ATF6B: variants seen among roughly 807,000 people sequenced by gnomAD.
ATF6B encodes the protein activating transcription factor 6 beta, also known as cyclic AMP-dependent transcription factor ATF-6 beta.
In ATF6B, 50 loss-of-function variants were observed where a neutral mutation model predicts 83.5. That is an observed-to-expected ratio of 0.60 (90% CI 0.48 to 0.76). ATF6B has a LOEUF of 0.76. Ranked by LOEUF, ATF6B falls within the 30% of genes least tolerant of loss-of-function variation. The pLI, the probability that ATF6B is intolerant of heterozygous loss-of-function variation, is 0.00. For missense variants in ATF6B, 790 were observed against 893.8 expected (o/e 0.88, Z 1.48); for synonymous variants, 344 against 362.8 (o/e 0.95, Z 0.59).
At chr6:32,120,044 C>G in intron 8 of ATF6B, 87 bp from the exon 9 acceptor site, 1 of 1,487,704 alleles carries the variant, frequency 6.7e-7, no homozygotes, top group Non-Finnish European at 9.0e-7. Context: ...AAGGATTGGG[C>G]AGCCTCAATG....
chr6:32,116,240 C>T lies in ATF6B; in HGVS notation c.1882+240G>A, dbSNP rs1209242917. On this transcript the variant is annotated intron_variant, in intron 17 of 17. Coordinates refer to ENST00000375203, the MANE Select transcript of ATF6B (RefSeq NM_004381.5). This position sits in a 1 kb window ranked among gnomAD's most constrained non-coding sequence, Gnocchi z 5.1. ...AAAGTAAGTGAGAGTCTAGCAGGTT[C>T]CCGGCCCCCCGCCTCTGCCCAGTCA... Among the ~76,000 whole-genome samples, 2 of 152,134 alleles carry T rather than the reference C, an allele frequency of 1.3e-5. No homozygotes were observed. The highest frequency in any genetic ancestry group is 2.9e-5 in the Non-Finnish European group (2 of 68,024).
chr6:32,126,316 CAGTA>C, intron 4 of ATF6B, 64 bp from the exon 5 acceptor site: 2 of 1,573,354 alleles, frequency 1.3e-6, no homozygotes, highest in Non-Finnish European at 1.7e-6. Context: ...GAGATGTTGA[CAGTA>C]AGAGCGAGAA....
At chr6:32,127,636 C>A (rs1328753334) in intron 2 of ATF6B, 35 bp downstream of exon 2, 9 of 1,613,710 alleles carry the variant, frequency 5.6e-6, no homozygotes, top group Non-Finnish European at 5.9e-6. Context: ...ACTTTCCACC[C>A]ACCAAGGGTT....
chr6:32,127,212 A>T lies in ATF6B; in HGVS notation c.251-18T>A. 1 of 1,589,136 alleles carries T rather than the reference A, an allele frequency of 6.3e-7. No homozygotes were observed. The stretch of plus-strand genomic sequence containing the variant: ...CTGAAGATCTGGAGGAAAGGGAGTT[A>T]GAAATTATCAGGAAGCAGAGCTTAA... On this transcript the variant is annotated intron_variant, in intron 3 of 17. Coordinates refer to ENST00000375203, the MANE Select transcript of ATF6B (RefSeq NM_004381.5).
chr6:32,115,799 G>A lies in ATF6B; in HGVS notation c.2052C>T (p.Val684=), dbSNP rs751031986. The change falls in exon 18 of 18, where the codon GTC becomes GTT. Residue 684 remains valine (V), a synonymous_variant. Transcript: ENST00000375203. The part of the protein sequence containing the change: ...PGNATGGPLP[V]SAASQAHQAS... The stretch of plus-strand genomic sequence containing the variant: ...CCTGGTGGGCCTGGCTGGCTGCAGA[G>A]ACTGGCAAGGGGCCACCTGTGGCAT... The A allele has an allele frequency of 6.2e-7, 1 of 1,613,684 alleles. No individual in the cohort carries two copies. Among genetic ancestry groups the A allele is most frequent in the South Asian group, 1.1e-5 (1 of 91,034 alleles).
In ATF6B at chr6:32,116,030, A is replaced by G; in HGVS notation, c.1883-62T>C. 3 of 1,327,750 alleles carry G rather than the reference A, an allele frequency of 2.3e-6. No homozygotes were observed. The highest frequency in any genetic ancestry group is 3.8e-5 in the Admixed American group (2 of 52,040). The allele number at this position is 1,327,750 out of a possible 1,614,324, so 82.2% of individuals were successfully genotyped here. On this transcript the variant is annotated intron_variant, in intron 17 of 17. Transcript: ENST00000375203. The surrounding 1 kb of genome is among the most constrained non-coding windows in gnomAD (Gnocchi z 5.1). ...GAGGCAAACAGGGATTGCAGGGAGGAGGGGAGGAGGTCAGAAAAGTAGAGG... is the reference window on the plus strand; with the variant it reads ...GAGGCAAACAGGGATTGCAGGGAGGGGGGGAGGAGGTCAGAAAAGTAGAGG...
At position 32,117,932 on chromosome 6, in the gene ATF6B, C is replaced by T. The variant is rs1185572692; in HGVS notation, c.1351G>A (p.Val451Ile). ...GFSEQEPVQGVEPLQGSSQGP... is the reference protein window; with the variant it reads ...GFSEQEPVQGIEPLQGSSQGP... Reference sequence around the variant, plus strand: ...TGGGAGGACCCCTGGAGAGGTTCAACTCCCTGAACTGGCTCTTGCTCTGAG... The same window carrying T: ...TGGGAGGACCCCTGGAGAGGTTCAATTCCCTGAACTGGCTCTTGCTCTGAG... The change falls in exon 12 of 18, where the codon GTT (valine) becomes ATT (isoleucine). Residue 451 changes from valine to isoleucine, a missense_variant. Around this residue, in one of 3 missense-constraint regions of ATF6B, gnomAD observed 530 missense variants for 632.6 expected, o/e 0.84. Transcript: ENST00000375203. This position sits in a 1 kb window ranked among gnomAD's most constrained non-coding sequence, Gnocchi z 5.0. The T allele has an allele frequency of 2.5e-6, 4 of 1,610,692 alleles. No homozygotes were observed. The East Asian group carries it at 6.7e-5, about 27-fold the overall frequency.
In ATF6B at chr6:32,118,632, T is replaced by C; in HGVS notation, c.1244+143A>G. On this transcript the variant is annotated intron_variant, in intron 11 of 17. Transcript: ENST00000375203. This position sits in a 1 kb window ranked among gnomAD's most constrained non-coding sequence, Gnocchi z 5.2. ...GACAAATAATGGAGCAGGAAGGGGC[T>C]GGCCAGACACATCATCGGTGCCAAG... 1 of 776,284 alleles carries C rather than the reference T, an allele frequency of 1.3e-6. No homozygotes were observed. Among genetic ancestry groups the C allele is most frequent in the East Asian group, 2.7e-5 (1 of 37,568 alleles). 48.1% of individuals were successfully genotyped at this position (776,284 alleles called of 1,614,324 possible). A position where few individuals can be genotyped will look rare whatever the true frequency, so the allele number is the denominator to read the frequency against.
Position 32,117,097 on chromosome 6 carries a change from G to A in ATF6B, c.1625C>T (p.Pro542Leu), listed in dbSNP as rs750345765. ...CTTAACTGGAGGTGACTTCTTCCGT[G>A]GCTGAGACTTCTGGAAGGAGAAGTA... is the stretch of plus-strand genomic sequence containing the variant. ...QRAQERQKSQ[P>L]RKKSPPVKAV... Residue 542 changes from proline (P) to leucine (L), a missense_variant, in exon 15 of 18, where the codon CCA (proline) becomes CTA (leucine). Coordinates refer to ENST00000375203, the MANE Select transcript of ATF6B (RefSeq NM_004381.5). The surrounding 1 kb of genome is among the most constrained non-coding windows in gnomAD (Gnocchi z 5.0). 2 of 1,614,040 alleles carry A rather than the reference G, an allele frequency of 1.2e-6. No individual in the cohort carries two copies. The highest frequency in any genetic ancestry group is 2.2e-5 in the South Asian group (2 of 91,078).
Position 32,118,707 on chromosome 6 carries a change from G to A in ATF6B, c.1244+68C>T. Reference sequence around the variant, plus strand: ...GCAGAAGGAAATGGCCTGGGCCAAAGCAGGCAGCTAGGAGGCTGTAACGTG... The same window carrying A: ...GCAGAAGGAAATGGCCTGGGCCAAAACAGGCAGCTAGGAGGCTGTAACGTG... On this transcript the variant is annotated intron_variant, in intron 11 of 17. Transcript: ENST00000375203. The surrounding 1 kb of genome is among the most constrained non-coding windows in gnomAD (Gnocchi z 5.2). 6.6e-7 allele frequency: 1 copy of A among 1,513,388 alleles called. No homozygotes were observed. Among genetic ancestry groups the A allele is most frequent in the Non-Finnish European group, 9.2e-7 (1 of 1,091,722 alleles). The allele number at this position is 1,513,388 out of a possible 1,614,324, so 93.7% of individuals were successfully genotyped here. A position where few individuals can be genotyped will look rare whatever the true frequency, so the allele number is the denominator to read the frequency against.
chr6:32,118,026 A>C lies in ATF6B; in HGVS notation c.1257T>G (p.Pro419=). ...TCCGAGGAGAGATGGGAGCTGAAGG[A>C]GGCTCACTGATGCTGTGGATAAAGA... The part of the protein sequence containing the change: ...FNFGPVSISE[P]PSAPISPRMN... Residue 419 remains proline (P), a synonymous_variant, in exon 12 of 18, where the codon CCT becomes CCG. Coordinates refer to ENST00000375203, the MANE Select transcript of ATF6B (RefSeq NM_004381.5). The surrounding 1 kb of genome is among the most constrained non-coding windows in gnomAD (Gnocchi z 5.2). 1.2e-6 allele frequency: 2 copies of C among 1,614,172 alleles called. No homozygotes were observed. The highest frequency in any genetic ancestry group is 1.7e-6 in the Non-Finnish European group (2 of 1,180,028).
rs1310848915 is a variant in ATF6B, at chr6:32,119,413, C to T, written c.967-272G>A. ...CCATGCTGGTGGAAACTCTTTCCTTCGTAACTCTTTCTTCCTGTCAGCCCA... is the reference window on the plus strand; with the variant it reads ...CCATGCTGGTGGAAACTCTTTCCTTTGTAACTCTTTCTTCCTGTCAGCCCA... On this transcript the variant is annotated intron_variant, in intron 9 of 17. Coordinates refer to ENST00000375203, the MANE Select transcript of ATF6B (RefSeq NM_004381.5). The surrounding 1 kb of genome is among the most constrained non-coding windows in gnomAD (Gnocchi z 4.9). 3.3e-5 allele frequency among the ~76,000 whole-genome samples: 5 copies of T among 152,146 alleles called. No homozygotes were observed. Among genetic ancestry groups the T allele is most frequent in the Admixed American group, 6.5e-5 (1 of 15,276 alleles).
At position 32,118,816 on chromosome 6, in the gene ATF6B, C is replaced by G. The variant is rs2127335858; in HGVS notation, c.1203G>C (p.Met401Ile). The G allele has an allele frequency of 6.2e-7, 1 of 1,614,242 alleles. No homozygotes were observed. The highest frequency in any genetic ancestry group is 2.2e-5 in the East Asian group (1 of 44,888). Residue 401 changes from methionine (M) to isoleucine (I), a missense_variant, in exon 11 of 18, where the codon ATG becomes ATC. Coordinates refer to ENST00000375203, the MANE Select transcript of ATF6B (RefSeq NM_004381.5). The surrounding 1 kb of genome is among the most constrained non-coding windows in gnomAD (Gnocchi z 5.2). ...TGAAGGCAATGAAGAGAAGGAAGAC[C>G]ATGATGCAGACCACCTTCCTGTTTC... ...GSGNRKVVCI[M>I]VFLLFIAFNF...
intron 5 of ATF6B, among the ~76,000 whole-genome samples, chr6:32,121,589 T>C (rs1430365979): frequency 6.6e-6 from 1 of 152,116 alleles, no homozygotes; most frequent in Non-Finnish European, 1.5e-5. Context: ...GTGTCCCAGA[T>C]ACTCAGGAGG....
Position 32,125,840 on chromosome 6 carries a change from G to C in ATF6B, c.478+277C>G, listed in dbSNP as rs1437073414. Among the ~76,000 whole-genome samples, 3 of 152,132 alleles carry C rather than the reference G, an allele frequency of 2.0e-5. No homozygotes were observed. The highest frequency in any genetic ancestry group is 1.9e-4 in the East Asian group (1 of 5,206). On this transcript the variant is annotated intron_variant, in intron 5 of 17. Coordinates refer to ENST00000375203, the MANE Select transcript of ATF6B (RefSeq NM_004381.5). The surrounding 1 kb of genome is among the most constrained non-coding windows in gnomAD (Gnocchi z 4.1). ...TACATATGCCCTAAACTGCTCACAA[G>C]TTTTTAAAAAGTAAGTTGAATGGCA...
At position 32,115,655 on chromosome 6, in the gene ATF6B, T is replaced by C; in HGVS notation, c.*84A>G. On this transcript the variant is annotated 3_prime_UTR_variant, in exon 18 of 18. Coordinates refer to ENST00000375203, the MANE Select transcript of ATF6B (RefSeq NM_004381.5). ...TTTCCTTTACCAATTGCCCCAAGCC[T>C]GGGGATCAGGGAAATTTGAAACAGT... The C allele has an allele frequency of 2.4e-6, 3 of 1,264,990 alleles. No homozygotes were observed. The highest frequency in any genetic ancestry group is 3.3e-6 in the Non-Finnish European group (3 of 907,094). 78.4% of individuals were successfully genotyped at this position (1,264,990 alleles called of 1,614,324 possible).
chr6:32,116,823 G>A lies in ATF6B; in HGVS notation c.1686-8C>T. ...AGCTGGCCCACAGAATCCCTAGGCA[G>A]GTGGGGAAACAGGATTTGAGGGGAA... On this transcript the variant is annotated splice_polypyrimidine_tract_variant and splice_region_variant and intron_variant, in intron 15 of 17. Coordinates refer to ENST00000375203, the MANE Select transcript of ATF6B (RefSeq NM_004381.5). The surrounding 1 kb of genome is among the most constrained non-coding windows in gnomAD (Gnocchi z 5.1). 1 of 1,613,520 alleles carries A rather than the reference G, an allele frequency of 6.2e-7. No homozygotes were observed. The highest frequency in any genetic ancestry group is 8.5e-7 in the Non-Finnish European group (1 of 1,179,490).
rs766869169 is a variant in ATF6B, at chr6:32,115,427, C to A, written c.*312G>T. On this transcript the variant is annotated 3_prime_UTR_variant, in exon 18 of 18. Coordinates refer to ENST00000375203, the MANE Select transcript of ATF6B (RefSeq NM_004381.5). The stretch of plus-strand genomic sequence containing the variant: ...CCTGGGGACTAAATTCCCACCTCCA[C>A]TGCCATAACACTAGAGAAACAAAAT... The A allele has an allele frequency of 7.8e-5, 21 of 268,084 alleles. No individual in the cohort carries two copies. The highest frequency in any genetic ancestry group is 3.3e-4 in the Admixed American group (6 of 18,376). The allele number at this position is 268,084 out of a possible 1,614,324, so 16.6% of individuals were successfully genotyped here. A position where few individuals can be genotyped will look rare whatever the true frequency, so the allele number is the denominator to read the frequency against.
At position 32,117,385 on chromosome 6, in the gene ATF6B, C is replaced by T; in HGVS notation, c.1552G>A (p.Gly518Ser). ...CCTCTCTGGTGGCGCTGGACCCAGC[C>T]ACTCAACTCGTCAGCAAGCCTGGGG... is the stretch of plus-strand genomic sequence containing the variant. ...ESLRLADELSGWVQRHQRGRR... is the reference protein window; with the variant it reads ...ESLRLADELSSWVQRHQRGRR... The change falls in exon 14 of 18, where the codon GGC (glycine) becomes AGC (serine). Residue 518 changes from glycine to serine, a missense_variant. By Grantham distance (56) the Gly-to-Ser change is moderately conservative. Coordinates refer to ENST00000375203, the MANE Select transcript of ATF6B (RefSeq NM_004381.5). This position sits in a 1 kb window ranked among gnomAD's most constrained non-coding sequence, Gnocchi z 5.0. 6.2e-7 allele frequency: 1 copy of T among 1,614,130 alleles called. No individual in the cohort carries two copies. Among genetic ancestry groups the T allele is most frequent in the African/African-American group, 1.3e-5 (1 of 75,044 alleles).
Sources: gnomAD v4.1 joint callset for allele counts (sites outside exome capture counted in the v4.1 genomes callset) on GRCh38, gnomAD v4.1.1 for gene constraint, gnomAD v4.1.1 regional missense constraint, Gnocchi (gnomAD v3.1) non-coding constraint, MANE v1.5 for transcripts, NCBI Gene and HGNC (gene_info 2026-07-23, HGNC 2026-07-21) for gene names.